NFIB: variants seen among roughly 807,000 people sequenced by gnomAD.
NFIB encodes the protein nuclear factor 1 B-type.
Under a neutral mutation model 61.5 loss-of-function variants are expected in NFIB, and 11 were observed. The ratio of observed to expected loss-of-function variants is 0.18; its 90% CI spans 0.11 to 0.30. The LOEUF is 0.30. NFIB is among the 10% of genes least tolerant of loss of function. The probability of loss-of-function intolerance (pLI) is 1.00; values close to 1 mark genes in which losing one functional copy is unlikely to be tolerated. For missense variants in NFIB, 471 were observed against 608.9 expected (o/e 0.77, Z 2.38); for synonymous variants, 260 against 216.5 (o/e 1.20, Z -1.76).
intron 2 of NFIB, among the ~76,000 whole-genome samples, chr9:14,272,817 G>A (rs1384030765): frequency 6.6e-6 from 1 of 150,568 alleles, no homozygotes; most frequent in Admixed American, 6.7e-5. Flanking sequence ...TATTATGAAA[G>A]CAAATCTCAG....
At chr9:14,137,097 T>A (rs1230729329) in intron 6 of NFIB, among the ~76,000 whole-genome samples, 1 of 152,198 alleles carries the variant, frequency 6.6e-6, no homozygotes, top group Admixed American at 6.5e-5. Context: ...ATAATGTCAA[T>A]GAAACCGAAT....
chr9:14,132,320 C>T (rs918680704), intron 6 of NFIB, among the ~76,000 whole-genome samples: 12 of 152,080 alleles, frequency 7.9e-5, no homozygotes, highest in African/African-American at 2.7e-4. Flanking sequence ...TATTTACATG[C>T]CATACTTGTA....
intron 6 of NFIB, among the ~76,000 whole-genome samples, chr9:14,137,404 A>G (rs1192679745): frequency 6.6e-6 from 1 of 152,222 alleles, no homozygotes; most frequent in African/African-American, 2.4e-5. Context: ...TGAACATTCA[A>G]AAAATAATTT....
the NFIB span, among the ~76,000 whole-genome samples, chr9:14,503,153 A>AATAT: frequency 1.3e-5 from 2 of 149,714 alleles, no homozygotes; most frequent in African/African-American, 4.9e-5. Flanking sequence ...TATATAAAAT[A>AATAT]ATATATATAT....
intron 7 of NFIB, among the ~76,000 whole-genome samples, chr9:14,123,560 T>C (rs2039220639): frequency 6.6e-6 from 1 of 152,240 alleles, no homozygotes. Context: ...TCAGGTACTC[T>C]GAGACCGAGT....
chr9:14,474,934 GTCTT>G, the NFIB span, among the ~76,000 whole-genome samples: 1 of 152,208 alleles, frequency 6.6e-6, no homozygotes, highest in Non-Finnish European at 1.5e-5. Context: ...CCTTCACTCT[GTCTT>G]TCTATCTGGG....
the NFIB span, among the ~76,000 whole-genome samples, chr9:14,510,962 G>A: frequency 6.6e-6 from 1 of 152,124 alleles, no homozygotes; most frequent in Admixed American, 6.5e-5. Context: ...TTTCCTCTTT[G>A]ATGATGCTGC....
At chr9:14,240,579 C>A (rs1193408317) in intron 2 of NFIB, among the ~76,000 whole-genome samples, 6 of 152,094 alleles carry the variant, frequency 3.9e-5, no homozygotes, top group Admixed American at 2.0e-4. Flanking sequence ...AAAAAGTATG[C>A]GACACAGTTT....
At chr9:14,464,043 G>A in the NFIB span, among the ~76,000 whole-genome samples, 2 of 152,136 alleles carry the variant, frequency 1.3e-5, no homozygotes, top group East Asian at 3.9e-4. Context: ...TGGAAATTCT[G>A]AAATCAAGAA....
intron 3 of NFIB, among the ~76,000 whole-genome samples, chr9:14,160,853 A>T (rs2044111982): frequency 1.4e-5 from 2 of 141,490 alleles, no homozygotes; most frequent in Non-Finnish European, 3.1e-5. Flanking sequence ...AAAAAAAAAC[A>T]GAAAAAAAGA....
chr9:14,244,373 T>C (rs948705494), intron 2 of NFIB, among the ~76,000 whole-genome samples: 1 of 152,210 alleles, frequency 6.6e-6, no homozygotes, highest in Non-Finnish European at 1.5e-5. Flanking sequence ...TGCAGTCAGA[T>C]ATATTGGAGT....
In NFIB at chr9:14,322,019, G is replaced by C. The variant is rs192143754; in HGVS notation, c.109-14499C>G. 4.1e-6 allele frequency: 5 copies of C among 1,226,184 alleles called. No individual in the cohort carries two copies. The African/African-American group carries it at 6.4e-5, about 16-fold the overall frequency. 76.0% of individuals were successfully genotyped at this position (1,226,184 alleles called of 1,614,324 possible). On this transcript the variant is annotated intron_variant, in intron 1 of 8. Coordinates refer to the NFIB transcript ENST00000380934. ...TGGGCCGCTGACTTGACGTGTCTCA[G>C]GTACAGATTTGTGGATTTTCTCAGG...
At chr9:14,443,858 G>T in the NFIB span, among the ~76,000 whole-genome samples, 1 of 152,256 alleles carries the variant, frequency 6.6e-6, no homozygotes, top group Non-Finnish European at 1.5e-5. Flanking sequence ...TACCTAACAT[G>T]TGGGAGGTCC....
chr9:14,275,789 A>C lies in NFIB; in HGVS notation c.562+31200T>G, dbSNP rs79722867. Reference sequence around the variant, plus strand: ...TAGATAAATACGGCAGTAAGAACTAAGTCCCTCCTCCCTCACTTCCCTATC... The same window carrying C: ...TAGATAAATACGGCAGTAAGAACTACGTCCCTCCTCCCTCACTTCCCTATC... On this transcript the variant is annotated intron_variant, in intron 2 of 10. Coordinates refer to ENST00000380953, the MANE Select transcript of NFIB (RefSeq NM_001190737.2). Among the ~76,000 whole-genome samples, 96 of 152,266 alleles carry C rather than the reference A, an allele frequency of 6.3e-4. 1 individual carries two copies. The East Asian group carries it at 0.018, about 29-fold the overall frequency.
At chr9:14,286,965 G>C (rs1191112702) in intron 2 of NFIB, among the ~76,000 whole-genome samples, 1 of 152,176 alleles carries the variant, frequency 6.6e-6, no homozygotes. Flanking sequence ...ACAAGGGGAA[G>C]AGAAGTATGA....
intron 1 of NFIB, among the ~76,000 whole-genome samples, chr9:14,376,332 G>A (rs947296271): frequency 6.2e-4 from 94 of 152,028 alleles, no homozygotes; most frequent in African/African-American, 2.2e-3. Context: ...TTAACATTTT[G>A]GAATATTTGT....
intron 2 of NFIB, among the ~76,000 whole-genome samples, chr9:14,198,714 G>C (rs902841018): frequency 6.6e-6 from 1 of 152,180 alleles, no homozygotes. Context: ...AGCACCCCAG[G>C]TAACTCCCGC....
intron 10 of NFIB, among the ~76,000 whole-genome samples, chr9:14,111,478 G>A (rs1308031970): frequency 6.6e-6 from 1 of 152,086 alleles, no homozygotes. Flanking sequence ...TTAGAGATGT[G>A]TCATAAAGAA....
At chr9:14,260,929 G>A (rs2056690201) in intron 2 of NFIB, among the ~76,000 whole-genome samples, 1 of 152,146 alleles carries the variant, frequency 6.6e-6, no homozygotes, top group Non-Finnish European at 1.5e-5. Context: ...ATCACAATAT[G>A]TCTTAGCTTT....
Sources: gnomAD v4.1 joint callset for allele counts (sites outside exome capture counted in the v4.1 genomes callset) on GRCh38, gnomAD v4.1.1 for gene constraint, MANE v1.5 for transcripts, NCBI Gene and HGNC (gene_info 2026-07-23, HGNC 2026-07-21) for gene names.